The following PTPRT variants were observed in gnomAD, a reference collection of about 807,000 sequenced individuals.
PTPRT encodes the protein receptor-type tyrosine-protein phosphatase T.
Under a neutral mutation model 176.8 loss-of-function variants are expected in PTPRT, and 56 were observed. That is an observed-to-expected ratio of 0.32 (90% CI 0.26 to 0.40). The LOEUF (loss-of-function observed/expected upper bound fraction) is 0.40, where lower values mean the gene tolerates loss of function less well. Ranked by LOEUF, PTPRT falls within the 10% of genes least tolerant of loss-of-function variation. PTPRT has a pLI of 1.00. For synonymous variants in PTPRT, 783 were observed against 739.0 expected, an observed-to-expected ratio of 1.06 and a Z score of -0.96; for missense variants, 1,540 against 1,908.2, an observed-to-expected ratio of 0.81 and a Z score of 3.60.
intron 7 of PTPRT, among the ~76,000 whole-genome samples, chr20:42,611,098 T>G (rs1163219187): frequency 6.6e-6 from 1 of 152,222 alleles, no homozygotes; most frequent in Admixed American, 6.5e-5. Flanking sequence ...GGTTTCTATT[T>G]TGGGGTGATC....
intron 6 of PTPRT, among the ~76,000 whole-genome samples, chr20:42,696,487 GCT>G: frequency 6.8e-6 from 1 of 147,774 alleles, no homozygotes; most frequent in South Asian, 2.1e-4. Context: ...ACAGAGCCTC[GCT>G]CTGTCGCCCA....
chr20:42,235,634 A>G (rs1041023997), intron 15 of PTPRT, among the ~76,000 whole-genome samples: 3 of 152,178 alleles, frequency 2.0e-5, no homozygotes, highest in South Asian at 2.1e-4. Flanking sequence ...GCACCCATCT[A>G]TAACTCCCAA....
At chr20:42,468,250 C>T (rs2145910940) in intron 8 of PTPRT, among the ~76,000 whole-genome samples, 1 of 152,288 alleles carries the variant, frequency 6.6e-6, no homozygotes, top group Non-Finnish European at 1.5e-5. Flanking sequence ...CAACTCAATC[C>T]TAAAGGTTGC....
At chr20:43,181,356 T>C (rs987452723) in intron 1 of PTPRT, among the ~76,000 whole-genome samples, 5 of 151,902 alleles carry the variant, frequency 3.3e-5, no homozygotes, top group African/African-American at 1.2e-4. Flanking sequence ...TTAATATAGC[T>C]CCTTTAGAAC....
At chr20:42,759,028 G>A (rs1204568511) in intron 5 of PTPRT, among the ~76,000 whole-genome samples, 6 of 152,184 alleles carry the variant, frequency 3.9e-5, no homozygotes, top group Admixed American at 3.3e-4. Context: ...AGGGAGAAAG[G>A]CGGGAAAATT....
intron 12 of PTPRT, among the ~76,000 whole-genome samples, chr20:42,314,813 A>G (rs2057691970): frequency 6.6e-6 from 1 of 152,192 alleles, no homozygotes; most frequent in African/African-American, 2.4e-5. Context: ...ATATTTCAGT[A>G]AGTACATTAA....
intron 26 of PTPRT, 68 bp from the exon 27 acceptor site, chr20:42,098,620 C>T: frequency 1.9e-6 from 3 of 1,590,574 alleles, no homozygotes; most frequent in Middle Eastern, 1.7e-4. Context: ...GATGATGAGG[C>T]CTGGACTGAG....
chr20:42,519,426 T>C (rs951783016), intron 7 of PTPRT, among the ~76,000 whole-genome samples: 2 of 152,170 alleles, frequency 1.3e-5, no homozygotes, highest in Admixed American at 6.6e-5. Context: ...CAATGAACAC[T>C]CACATGCAAG....
intron 12 of PTPRT, among the ~76,000 whole-genome samples, chr20:42,294,275 T>C (rs1374509937): frequency 6.6e-6 from 1 of 151,298 alleles, no homozygotes. Flanking sequence ...AAACTAAGAG[T>C]ACAGGAAAAG....
intron 1 of PTPRT, among the ~76,000 whole-genome samples, chr20:43,070,291 A>C (rs866999934): frequency 6.6e-6 from 1 of 152,070 alleles, no homozygotes; most frequent in South Asian, 2.1e-4. Flanking sequence ...TCTCACACCA[A>C]TTAGAATGGC....
intron 6 of PTPRT, among the ~76,000 whole-genome samples, chr20:42,745,797 A>T (rs2076683340): frequency 6.6e-6 from 1 of 152,252 alleles, no homozygotes; most frequent in South Asian, 2.1e-4. Context: ...TGGGCTCATT[A>T]TAGGAAGAGG....
chr20:42,230,032 A>G (rs534094814), intron 15 of PTPRT, among the ~76,000 whole-genome samples: 7 of 152,296 alleles, frequency 4.6e-5, no homozygotes, highest in Admixed American at 3.3e-4. Flanking sequence ...CTTAAGACAA[A>G]TTTGCTCCTG....
At chr20:42,495,730 A>G (rs6030286) in intron 7 of PTPRT, among the ~76,000 whole-genome samples, 23,521 of 152,210 alleles carry the variant, frequency 0.15, 4,530 homozygotes, top group African/African-American at 0.46. Context: ...CCCCAAACCT[A>G]GCACCTAAGA....
chr20:42,315,821 C>G lies in PTPRT; in HGVS notation c.2041G>C (p.Val681Leu). 1 of 1,614,032 alleles carries G rather than the reference C, an allele frequency of 6.2e-7. No homozygotes were observed. Among genetic ancestry groups the G allele is most frequent in the South Asian group, 1.1e-5 (1 of 91,072 alleles). ...ANLPVTQPFT[V>L]GDNKTYNGYW... Reference sequence around the variant, plus strand: ...CCATTGTATGTCTTATTGTCACCCACTGTAAATGGCTGGGTGACAGGCAGG... The same window carrying G: ...CCATTGTATGTCTTATTGTCACCCAGTGTAAATGGCTGGGTGACAGGCAGG... Residue 681 changes from valine (V) to leucine (L), a missense_variant, in exon 12 of 31, where the codon GTG becomes CTG. By Grantham distance (32) the Val-to-Leu change is conservative. Around this residue, in one of 11 missense-constraint regions of PTPRT, gnomAD observed 81 missense variants for 89.9 expected, o/e 0.90. Coordinates refer to ENST00000373187, the MANE Select transcript of PTPRT (RefSeq NM_007050.6).
At chr20:42,591,419 T>C (rs1219432243) in intron 7 of PTPRT, among the ~76,000 whole-genome samples, 1 of 151,996 alleles carries the variant, frequency 6.6e-6, no homozygotes, top group African/African-American at 2.4e-5. Flanking sequence ...TGAAACAGAG[T>C]AGATGTTTAA....
chr20:42,353,233 T>C (rs2058312290), intron 9 of PTPRT, among the ~76,000 whole-genome samples: 1 of 152,170 alleles, frequency 6.6e-6, no homozygotes, highest in African/African-American at 2.4e-5. Flanking sequence ...TTTATAAGTC[T>C]TGTTAAAAAT....
chr20:42,327,916 A>G (rs1261339948), intron 11 of PTPRT, among the ~76,000 whole-genome samples: 2 of 152,126 alleles, frequency 1.3e-5, no homozygotes, highest in East Asian at 3.8e-4. Context: ...TTTAAAAATC[A>G]TATCAGGTAC....
intron 16 of PTPRT, among the ~76,000 whole-genome samples, chr20:42,165,371 C>T (rs953609891): frequency 6.6e-6 from 1 of 152,172 alleles, no homozygotes; most frequent in East Asian, 1.9e-4. Flanking sequence ...AAGCAGGCCA[C>T]AGCCCTTGAA....
chr20:42,103,838 A>C (rs2146249523), intron 25 of PTPRT, among the ~76,000 whole-genome samples: 1 of 152,358 alleles, frequency 6.6e-6, no homozygotes. Context: ...CAGTTAAAAA[A>C]CATATTCACA....
Sources: allele counts gnomAD v4.1 joint callset (sites outside exome capture counted in the v4.1 genomes callset), GRCh38; gene constraint gnomAD v4.1.1; regional missense constraint gnomAD v4.1.1; transcripts MANE v1.5; gene names NCBI Gene and HGNC (gene_info 2026-07-23, HGNC 2026-07-21).